Variants in CACNA1C observed in about 807,000 individuals in gnomAD.
CACNA1C encodes the protein voltage-dependent L-type calcium channel subunit alpha-1C.
Under a neutral mutation model 229.0 loss-of-function variants are expected in CACNA1C, and 30 were observed. The ratio of observed to expected loss-of-function variants is 0.13; its 90% confidence interval spans 0.10 to 0.18. The LOEUF (loss-of-function observed/expected upper bound fraction) is 0.18, where lower values mean the gene tolerates loss of function less well. Among genes scored for constraint, CACNA1C ranks in the 10% least tolerant of loss-of-function variants. The pLI is 1.00. For synonymous variants in CACNA1C, 1,114 were observed against 1,132.5 expected (o/e 0.98, Z 0.33); for missense variants, 1,658 against 2,845.0 (o/e 0.58, Z 9.49).
At chr12:2,450,411 G>A (rs906109507) in intron 4 of CACNA1C, among the ~76,000 whole-genome samples, 11 of 151,792 alleles carry the variant, frequency 7.2e-5, no homozygotes, top group East Asian at 1.9e-4. Context: ...AAACTTAGCC[G>A]GGCGAGGTGG....
At chr12:2,254,690 A>T (rs1409208806) in intron 3 of CACNA1C, among the ~76,000 whole-genome samples, 1 of 152,092 alleles carries the variant, frequency 6.6e-6, no homozygotes, top group Non-Finnish European at 1.5e-5. Flanking sequence ...AAACTACTCC[A>T]TTGTGAGATT....
intron 4 of CACNA1C, among the ~76,000 whole-genome samples, chr12:2,452,320 G>C (rs1351015378): frequency 6.6e-6 from 1 of 152,114 alleles, no homozygotes; most frequent in African/African-American, 2.4e-5. Flanking sequence ...GGCGGCCTCA[G>C]ATCCACGTGC....
chr12:2,299,993 A>G (rs563877484), intron 3 of CACNA1C, among the ~76,000 whole-genome samples: 1 of 152,362 alleles, frequency 6.6e-6, no homozygotes, highest in African/African-American at 2.4e-5. Context: ...CAGCACTATC[A>G]TTTTGTAACT....
upstream of CACNA1C, among the ~76,000 whole-genome samples, chr12:2,052,388 G>C (rs553489096): frequency 6.6e-6 from 1 of 151,988 alleles, no homozygotes; most frequent in Non-Finnish European, 1.5e-5. Context: ...ACGGAATCAC[G>C]GCTCATCTTG....
intron 3 of CACNA1C, among the ~76,000 whole-genome samples, chr12:2,255,268 G>GAAAAAA (rs746929189): frequency 1.0e-5 from 1 of 95,668 alleles, no homozygotes. Flanking sequence ...TTCTGCTGCA[G>GAAAAAA]AAAAAAAAAA....
chr12:2,380,027 T>C (rs2098193033), intron 3 of CACNA1C, among the ~76,000 whole-genome samples: 1 of 59,110 alleles, frequency 1.7e-5, no homozygotes, highest in Admixed American at 1.6e-4. Flanking sequence ...CGAGACTCCG[T>C]CTCAAAAAAA....
chr12:2,206,950 C>T (rs1026897033), intron 3 of CACNA1C, among the ~76,000 whole-genome samples: 1 of 152,194 alleles, frequency 6.6e-6, no homozygotes, highest in Non-Finnish European at 1.5e-5. Context: ...ATTATATTTA[C>T]AGCCTCCAAA....
chr12:2,279,517 A>G (rs948225428), intron 3 of CACNA1C, among the ~76,000 whole-genome samples: 1 of 152,226 alleles, frequency 6.6e-6, no homozygotes, highest in African/African-American at 2.4e-5. Context: ...ATGAACATTT[A>G]GGATTGTTAT....
chr12:2,064,950 G>C lies in CACNA1C; in HGVS notation c.49+11339G>C, dbSNP rs566651640. On this transcript the variant is annotated intron_variant, in intron 1 of 46. Transcript: ENST00000399655. The stretch of plus-strand genomic sequence containing the variant: ...GGATAAAAAAGCGCACAGGCTCATG[G>C]AGGTATGTGAAGCTCAGAAGACTTT... 2.6e-5 allele frequency among the ~76,000 whole-genome samples: 4 copies of C among 152,322 alleles called. No individual in the cohort carries two copies. In the South Asian group the frequency reaches 6.2e-4, roughly 24 times the overall value.
chr12:2,401,951 T>C (rs1372122660), intron 3 of CACNA1C, among the ~76,000 whole-genome samples: 1 of 152,262 alleles, frequency 6.6e-6, no homozygotes, highest in African/African-American at 2.4e-5. Flanking sequence ...AGATATGGCA[T>C]GAGCCTCTGA....
chr12:2,540,923 G>A (rs2099868442), intron 9 of CACNA1C, among the ~76,000 whole-genome samples: 1 of 152,226 alleles, frequency 6.6e-6, no homozygotes, highest in Admixed American at 6.5e-5. Flanking sequence ...TCTAGAGGCT[G>A]GAAGTCTGAG....
At chr12:2,557,217 T>C (rs2044856365) in intron 11 of CACNA1C, among the ~76,000 whole-genome samples, 1 of 152,216 alleles carries the variant, frequency 6.6e-6, no homozygotes, top group Non-Finnish European at 1.5e-5. Flanking sequence ...GGCAGCACAG[T>C]CCCTAGGAAG....
At position 2,610,625 on chromosome 12, in the gene CACNA1C, G is replaced by A. The variant is rs747533547; in HGVS notation, c.3643G>A (p.Val1215Met). 8 of 1,614,194 alleles carry A rather than the reference G, an allele frequency of 5.0e-6. No individual in the cohort carries two copies. The Admixed American group carries it at 5.0e-5, about 10-fold the overall frequency. Residue 1215 changes from valine (V) to methionine (M), a missense_variant, in exon 28 of 47, where the codon GTG becomes ATG. Val to Met is a conservative substitution (Grantham distance 21, BLOSUM62 1). Transcript: ENST00000399655. ...CCAGCACCAGTACAAAGTGTGGTAC[G>A]TGGTCAACTCCACCTACTTCGAGTA... Reference protein sequence around the residue: ...KNQHQYKVWYVVNSTYFEYLM... With the variant: ...KNQHQYKVWYMVNSTYFEYLM...
intron 15 of CACNA1C, 143 bp from the exon 16 acceptor site, chr12:2,584,360 G>T: frequency 3.2e-6 from 2 of 619,712 alleles, no homozygotes; most frequent in Non-Finnish European, 5.9e-6. Flanking sequence ...GAACACTGTT[G>T]GGGTCTGACT....
At position 2,661,315 on chromosome 12, in the gene CACNA1C, A is replaced by G. The variant is rs537091311; in HGVS notation, c.4233-3510A>G. On this transcript the variant is annotated intron_variant, in intron 34 of 46. Transcript: ENST00000399655. ...CACACACACACACACACACACACAC[A>G]AGATTTTTCTAAGAGTAGCAGACAA... Among the ~76,000 whole-genome samples the G allele has an allele frequency of 1.1e-4, 16 of 144,510 alleles. 1 individual carries two copies. The highest frequency in any genetic ancestry group is 4.1e-4 in the African/African-American group (16 of 39,486). The allele number at this position is 144,510 out of a possible 152,430, so 94.8% of individuals were successfully genotyped here.
At chr12:2,621,929 A>C (rs2083467758) in intron 29 of CACNA1C, among the ~76,000 whole-genome samples, 1 of 152,230 alleles carries the variant, frequency 6.6e-6, no homozygotes, top group Non-Finnish European at 1.5e-5. Context: ...TTTAGGAGTC[A>C]GCGCCATCTA....
chr12:2,390,852 T>G (rs2098468855), intron 3 of CACNA1C, among the ~76,000 whole-genome samples: 1 of 152,090 alleles, frequency 6.6e-6, no homozygotes, highest in Non-Finnish European at 1.5e-5. Flanking sequence ...TTTGCGTGAG[T>G]GCAAGGTCTG....
intron 13 of CACNA1C, among the ~76,000 whole-genome samples, chr12:2,571,223 C>CAGGT (rs2054224850): frequency 6.6e-6 from 1 of 152,182 alleles, no homozygotes; most frequent in African/African-American, 2.4e-5. Flanking sequence ...AAAGGCAAGG[C>CAGGT]AGGTCTGTGG....
At chr12:2,129,788 T>C (rs1230658455) in intron 3 of CACNA1C, among the ~76,000 whole-genome samples, 1 of 152,132 alleles carries the variant, frequency 6.6e-6, no homozygotes, top group Non-Finnish European at 1.5e-5. Context: ...GGATGTGCCT[T>C]TCATGCACCA....
Sources: gnomAD v4.1 joint callset for allele counts (sites outside exome capture counted in the v4.1 genomes callset) on GRCh38, gnomAD v4.1.1 for gene constraint, MANE v1.5 for transcripts, NCBI Gene and HGNC (gene_info 2026-07-23, HGNC 2026-07-21) for gene names.